MYH4: variants seen among roughly 807,000 people sequenced by gnomAD.
The protein encoded by MYH4 is myosin heavy chain 4.
A neutral mutation model predicts 229.9 loss-of-function variants in MYH4; 200 were observed. The ratio of observed to expected loss-of-function variants is 0.87; its 90% CI spans 0.78 to 0.98. The LOEUF is 0.98. Among genes scored for constraint, MYH4 ranks in the 50% least tolerant of loss-of-function variants. MYH4 has a pLI of 0.00. For synonymous variants in MYH4, 761 were observed against 834.6 expected (o/e 0.91, Z 1.52); for missense variants, 2,148 against 2,332.6 (o/e 0.92, Z 1.63).
At chr17:10,461,141 C>T in intron 11 of MYH4, 87 bp from the exon 12 acceptor site, 1 of 1,466,524 alleles carries the variant, frequency 6.8e-7, no homozygotes, top group Non-Finnish European at 9.4e-7. Context: ...ACTTTTTTCT[C>T]ATCACGCCTT....
Position 10,453,442 on chromosome 17 carries a change from G to C in MYH4, c.2935-114C>G, listed in dbSNP as rs1234384824. The C allele has an allele frequency of 3.2e-6, 5 of 1,580,760 alleles. No individual in the cohort carries two copies. The East Asian group carries it at 9.0e-5, about 28-fold the overall frequency. ...AGCGTAAGATGGAAAATGAGAACCA[G>C]GAGCTAACCCAGGCCTATAATGGCT... On this transcript the variant is annotated intron_variant, in intron 23 of 39. Transcript: ENST00000255381.
At chr17:10,461,427 G>C (rs564542328) in intron 11 of MYH4, among the ~76,000 whole-genome samples, 4 of 151,940 alleles carry the variant, frequency 2.6e-5, no homozygotes, top group Non-Finnish European at 5.9e-5. Flanking sequence ...GGCTATTTTT[G>C]TTTCTTTTCT....
intron 37 of MYH4, 35 bp from the exon 38 acceptor site, chr17:10,444,934 G>A: frequency 6.2e-7 from 1 of 1,614,138 alleles, no homozygotes; most frequent in Non-Finnish European, 8.5e-7. Context: ...CAGTTTGGCT[G>A]TAACTGGCCA....
rs1269415529 is a variant in MYH4, at chr17:10,465,827, T to G, written c.349-229A>C. Among the ~76,000 whole-genome samples, 5 of 134,676 alleles carry G rather than the reference T, an allele frequency of 3.7e-5. No individual in the cohort carries two copies. In the Admixed American group the frequency reaches 4.4e-4, roughly 12 times the overall value. 88.4% of individuals were successfully genotyped at this position (134,676 alleles called of 152,430 possible). On this transcript the variant is annotated intron_variant, in intron 4 of 39. Coordinates refer to ENST00000255381, the MANE Select transcript of MYH4 (RefSeq NM_017533.2). ...TCTCGCTCTGTCGCCCAGGCTGGAG[T>G]GCAGTGGCGGGATCTCGGCTCACTG...
rs1458741772 is a variant in MYH4 at position 10,466,771 on chromosome 17, T to C, written c.-26A>G. On this transcript the variant is annotated 5_prime_UTR_variant, in exon 3 of 40. Transcript: ENST00000255381. The stretch of plus-strand genomic sequence containing the variant: ...GGCTGCAGGTTATTGATGGCAGTAC[T>C]GGACTAGGTATACCTAGAGGAAGAA... 6.2e-7 allele frequency: 1 copy of C among 1,613,536 alleles called. No individual in the cohort carries two copies.
intron 16 of MYH4, 146 bp from the exon 17 acceptor site, chr17:10,456,701 C>G (rs1167727914): frequency 4.7e-6 from 3 of 632,432 alleles, no homozygotes; most frequent in East Asian, 5.5e-5. Flanking sequence ...TATCTCTCCT[C>G]CCTCAATTGT....
At chr17:10,454,412 A>T (rs2072614484) in intron 22 of MYH4, 143 bp downstream of exon 22, 4 of 1,090,830 alleles carry the variant, frequency 3.7e-6, no homozygotes, top group Admixed American at 2.3e-5. Context: ...ATGATATGTG[A>T]CTTTGCATCT....
chr17:10,463,114 A>G lies in MYH4; in HGVS notation c.880T>C (p.Ser294Pro). 6.2e-7 allele frequency: 1 copy of G among 1,613,256 alleles called. No individual in the cohort carries two copies. Among genetic ancestry groups the G allele is most frequent in the Non-Finnish European group, 8.5e-7 (1 of 1,179,438 alleles). ...CCAATGAGCTCTGGTTTCTTATTGG[A>G]CAGGATTTGATAAAATATGTGGTAG... ...RSYHIFYQIL[S>P]NKKPELIEML... Residue 294 changes from serine to proline, a missense_variant, in exon 10 of 40, where the codon TCC (serine) becomes CCC (proline). By Grantham distance (74) the Ser-to-Pro change is moderately conservative. Transcript: ENST00000255381.
chr17:10,458,305 A>T (rs1421370732), intron 15 of MYH4, among the ~76,000 whole-genome samples: 1 of 152,170 alleles, frequency 6.6e-6, no homozygotes, highest in Non-Finnish European at 1.5e-5. Context: ...TTCAACATTG[A>T]TGATTTAACA....
rs370061303 is a variant in MYH4 at position 10,460,230 on chromosome 17, G to T, written c.1239C>A (p.Phe413Leu). The change falls in exon 13 of 40, where the codon TTC becomes TTA. Residue 413 changes from phenylalanine to leucine, a missense_variant. Phe to Leu is a conservative substitution (Grantham distance 22). Coordinates refer to ENST00000255381, the MANE Select transcript of MYH4 (RefSeq NM_017533.2). The stretch of plus-strand genomic sequence containing the variant: ...GCTGCACAGTCTGGCCTTTGGTTAC[G>T]AACTCATTGCCGACCTTGACTCTGG... ...CYPRVKVGNE[F>L]VTKGQTVQQV... 2.5e-6 allele frequency: 4 copies of T among 1,614,016 alleles called. No homozygotes were observed. Among genetic ancestry groups the T allele is most frequent in the East Asian group, 2.2e-5 (1 of 44,882 alleles).
Position 10,455,739 on chromosome 17 carries a change from A to T in MYH4, c.2057-8T>A. The T allele has an allele frequency of 6.2e-7, 1 of 1,614,132 alleles. No homozygotes were observed. Among genetic ancestry groups the T allele is most frequent in the Non-Finnish European group, 8.5e-7 (1 of 1,179,996 alleles). ...GCTCATGCTCCATGGCACCTAAGAG[A>T]ATGAATCCACATGCCATACTTCGTG... On this transcript the variant is annotated splice_region_variant and splice_polypyrimidine_tract_variant and intron_variant, in intron 18 of 39. Coordinates refer to ENST00000255381, the MANE Select transcript of MYH4 (RefSeq NM_017533.2).
intron 37 of MYH4, 21 bp downstream of exon 37, chr17:10,444,955 A>C: frequency 6.2e-7 from 1 of 1,614,098 alleles, no homozygotes; most frequent in Non-Finnish European, 8.5e-7. Flanking sequence ...CAAGGAATTG[A>C]GTGAAGTTGT....
rs373223401 is a variant in MYH4, at chr17:10,466,694, G to A, written c.52C>T (p.Arg18Ter). 13 of 1,613,802 alleles carry A rather than the reference G, an allele frequency of 8.1e-6. No individual in the cohort carries two copies. The highest frequency in any genetic ancestry group is 5.3e-5 in the African/African-American group (4 of 74,896). Residue 18 changes from arginine (R) to a stop codon, truncating the protein, a stop_gained, in exon 3 of 40, where the codon CGA becomes TGA. Transcript: ENST00000255381. LOFTEE classifies it high-confidence loss of function. Reference protein sequence around the residue: ...AIFGEAAPFLRKSEKERIEAQ... With the variant: ...AIFGEAAPFL ...TCAATTCGCTCCTTTTCAGACTTTC[G>A]GAGGAAAGGAGCAGCCTCCCCAAAA...
At chr17:10,457,389 C>T (rs1182638304) in intron 16 of MYH4, 31 bp downstream of exon 16, 6 of 1,554,922 alleles carry the variant, frequency 3.9e-6, no homozygotes, top group Non-Finnish European at 5.2e-6. Flanking sequence ...TTTTGTGACT[C>T]TTGTAACATA....
Position 10,451,327 on chromosome 17 carries a change from T to C in MYH4, c.3864A>G (p.Ser1288=), listed in dbSNP as rs774372013. Residue 1288 remains serine (S), a splice_region_variant and synonymous_variant, in exon 28 of 40, where the codon TCA becomes TCG. Transcript: ENST00000255381. Reference sequence around the variant, plus strand: ...GGTTGATGCTATTTATTTACTGACCTGATTCTGTGTGTAAACGTGCCTTCT... The same window carrying C: ...GGTTGATGCTATTTATTTACTGACCCGATTCTGTGTGTAAACGTGCCTTCT... ...SAQKARLHTE[S]GEFSRQLDEK... The C allele has an allele frequency of 1.2e-6, 2 of 1,613,724 alleles. No homozygotes were observed. Among genetic ancestry groups the C allele is most frequent in the East Asian group, 2.2e-5 (1 of 44,864 alleles).
In MYH4 at chr17:10,448,056, A is replaced by G. The variant is rs138681227; in HGVS notation, c.4727T>C (p.Ile1576Thr). The G allele has an allele frequency of 2.5e-6, 4 of 1,613,940 alleles. No individual in the cohort carries two copies. The African/African-American group carries it at 4.0e-5, about 16-fold the overall frequency. ...QLELNQVKSE[I>T]DRKIAEKDEE... ...ATCTTTTTCAGCAATTTTTCGGTCA[A>G]TCTCAGATTTCACCTGATTTAGCTC... The change falls in exon 34 of 40, where the codon ATT (isoleucine) becomes ACT (threonine). Residue 1576 changes from isoleucine to threonine, a missense_variant. Ile to Thr is a moderately conservative substitution (Grantham distance 89). Coordinates refer to ENST00000255381, the MANE Select transcript of MYH4 (RefSeq NM_017533.2).
chr17:10,467,581 T>C (rs2142235447), intron 2 of MYH4, among the ~76,000 whole-genome samples: 1 of 152,328 alleles, frequency 6.6e-6, no homozygotes, highest in Non-Finnish European at 1.5e-5. Context: ...TTTATAGTGA[T>C]TGTATGTGTT....
rs1341691715 is a variant in MYH4, at chr17:10,457,527, A to G, written c.1790T>C (p.Leu597Pro). 1.2e-6 allele frequency: 2 copies of G among 1,614,090 alleles called. No homozygotes were observed. Among genetic ancestry groups the G allele is most frequent in the Non-Finnish European group, 1.7e-6 (2 of 1,180,042 alleles). Residue 597 changes from leucine to proline, a missense_variant, in exon 16 of 40, where the codon CTG (leucine) becomes CCG (proline). Physicochemically the swap from Leu to Pro is moderately conservative, Grantham distance 98. Transcript: ENST00000255381. ...ATTCAGGGGGTCCTTGTTTTTGTCC[A>G]GCCAGCCGGCGATGTTGTAGTCCAC... The part of the protein sequence containing the change: ...GTVDYNIAGW[L>P]DKNKDPLNET...
At chr17:10,459,514 T>C in intron 14 of MYH4, 93 bp from the exon 15 acceptor site, 1 of 1,594,436 alleles carries the variant, frequency 6.3e-7, no homozygotes, top group African/African-American at 1.4e-5. Context: ...TAAGGCATTT[T>C]GGTTTATTAA....
Sources: gnomAD v4.1 joint callset for allele counts (sites outside exome capture counted in the v4.1 genomes callset) on GRCh38, gnomAD v4.1.1 for gene constraint, MANE v1.5 for transcripts, NCBI Gene and HGNC (gene_info 2026-07-23, HGNC 2026-07-21) for gene names.